The following DMXL1 variants were observed in gnomAD, a reference collection of about 807,000 sequenced individuals.
DMXL1 encodes Dmx like 1, also known as dmX-like protein 1.
DMXL1 carries 99 observed loss-of-function variants against 319.2 expected under a neutral mutation model. The observed-to-expected ratio is 0.31, with a 90% CI of 0.26 to 0.37. The LOEUF (loss-of-function observed/expected upper bound fraction) is 0.37, where lower values mean the gene tolerates loss of function less well. Among genes scored for constraint, DMXL1 ranks in the 10% least tolerant of loss-of-function variants. The pLI is 1.00. For synonymous variants in DMXL1, 1,385 were observed against 1,235.2 expected, an observed-to-expected ratio of 1.12 and a Z score of -2.54; for missense variants, 3,745 against 3,595.6, an observed-to-expected ratio of 1.04 and a Z score of -1.06.
At chr5:119,186,142 C>G (rs1471854270) in intron 28 of DMXL1, among the ~76,000 whole-genome samples, 1 of 152,178 alleles carries the variant, frequency 6.6e-6, no homozygotes, top group East Asian at 1.9e-4. Flanking sequence ...GTTAGAAGGT[C>G]CAGACTAATG....
At chr5:119,129,867 G>C (rs1247843830) in intron 10 of DMXL1, among the ~76,000 whole-genome samples, 1 of 152,190 alleles carries the variant, frequency 6.6e-6, no homozygotes, top group Non-Finnish European at 1.5e-5. Flanking sequence ...AGTTGGTATA[G>C]AGAGAGAGTT....
At position 119,170,289 on chromosome 5, in the gene DMXL1, C is replaced by G; in HGVS notation, c.5498C>G (p.Thr1833Arg). ...LLRRHFGSSD[T>R]FSTHMSLTGK... The stretch of plus-strand genomic sequence containing the variant: ...AGACGTCATTTTGGATCATCTGATA[C>G]ATTTTCCACACATATGAGCCTAACA... Residue 1833 changes from threonine to arginine, a missense_variant, in exon 24 of 44, where the codon ACA (threonine) becomes AGA (arginine). By Grantham distance (71) the Thr-to-Arg change is moderately conservative (BLOSUM62 -1). Coordinates refer to ENST00000539542, the MANE Select transcript of DMXL1 (RefSeq NM_001290321.3). 6.2e-7 allele frequency: 1 copy of G among 1,613,846 alleles called. No homozygotes were observed. Among genetic ancestry groups the G allele is most frequent in the Non-Finnish European group, 8.5e-7 (1 of 1,179,936 alleles).
chr5:119,229,542 A>G (rs889505010), intron 38 of DMXL1, among the ~76,000 whole-genome samples: 15 of 152,086 alleles, frequency 9.9e-5, no homozygotes, highest in African/African-American at 3.6e-4. Flanking sequence ...ATCCATGCAT[A>G]TTTTGTTCTG....
intron 37 of DMXL1, among the ~76,000 whole-genome samples, chr5:119,221,736 C>G (rs575176553): frequency 3.3e-5 from 5 of 151,288 alleles, no homozygotes; most frequent in Non-Finnish European, 7.4e-5. Context: ...CAATTAATAA[C>G]TATATCCATA....
rs74454483 is a variant in DMXL1 at position 119,096,177 on chromosome 5, ATT to A, written c.88-1787_88-1786del. Among the ~76,000 whole-genome samples, 159 of 142,026 alleles carry A rather than the reference ATT, an allele frequency of 1.1e-3. 3 individuals carry two copies. Among genetic ancestry groups the A allele is most frequent in the East Asian group, 2.8e-3 (13 of 4,694 alleles). The allele number at this position is 142,026 out of a possible 152,430, so 93.2% of individuals were successfully genotyped here. A position where few individuals can be genotyped will look rare whatever the true frequency, so the allele number is the denominator to read the frequency against. The stretch of plus-strand genomic sequence containing the variant: ...GGAATTAAGGTGTATATGAAGTATA[ATT>A]TTTTTTTTTTTTTTGAGATGGAGTT... On this transcript the variant is annotated intron_variant, in intron 1 of 43. Coordinates refer to ENST00000539542, the MANE Select transcript of DMXL1 (RefSeq NM_001290321.3).
chr5:119,227,768 TAAG>T (rs1212417501), intron 38 of DMXL1, among the ~76,000 whole-genome samples: 2 of 152,184 alleles, frequency 1.3e-5, no homozygotes, highest in African/African-American at 2.4e-5. Flanking sequence ...TGTCCTGCTA[TAAG>T]AAGGACAGGT....
intron 1 of DMXL1, among the ~76,000 whole-genome samples, chr5:119,082,044 C>T (rs895971789): frequency 2.0e-5 from 3 of 149,394 alleles, no homozygotes; most frequent in Non-Finnish European, 3.0e-5. Flanking sequence ...CACACACACA[C>T]ACACACACAC....
chr5:119,078,945 ACTGT>A (rs1230968735), intron 1 of DMXL1, among the ~76,000 whole-genome samples: 1 of 152,096 alleles, frequency 6.6e-6, no homozygotes, highest in African/African-American at 2.4e-5. Context: ...GTATCCTTTA[ACTGT>A]CTGGACCCTT....
Position 119,149,778 on chromosome 5 carries a change from A to G in DMXL1, c.3951A>G (p.Val1317=). The G allele has an allele frequency of 6.2e-7, 1 of 1,613,910 alleles. No individual in the cohort carries two copies. Among genetic ancestry groups the G allele is most frequent in the Non-Finnish European group, 8.5e-7 (1 of 1,179,900 alleles). Residue 1317 remains valine, a synonymous_variant, in exon 18 of 44, where the codon GTA becomes GTG. Coordinates refer to ENST00000539542, the MANE Select transcript of DMXL1 (RefSeq NM_001290321.3). The part of the protein sequence containing the change: ...EDSGLFEAAH[V]LSPTLPQYHP... ...CAGGTCTTTTTGAAGCAGCTCATGT[A>G]CTTTCCCCGACTCTACCTCAGTATC...
intron 4 of DMXL1, among the ~76,000 whole-genome samples, chr5:119,107,850 G>C (rs1758699030): frequency 6.6e-6 from 1 of 152,030 alleles, no homozygotes; most frequent in African/African-American, 2.4e-5. Flanking sequence ...TTGAGCTTCT[G>C]CTTAGTGCCT....
chr5:119,192,918 AAG>A (rs1456254697), intron 29 of DMXL1, among the ~76,000 whole-genome samples: 1 of 152,144 alleles, frequency 6.6e-6, no homozygotes, highest in Non-Finnish European at 1.5e-5. Context: ...CCAAAAACCT[AAG>A]AGTCATTCAT....
chr5:119,131,539 A>C (rs759259177), intron 10 of DMXL1, among the ~76,000 whole-genome samples: 6 of 152,194 alleles, frequency 3.9e-5, no homozygotes, highest in Non-Finnish European at 7.3e-5. Context: ...ATTACACTCA[A>C]ATAATGTATT....
chr5:119,172,090 T>C lies in DMXL1; in HGVS notation c.6681+121T>C, dbSNP rs1774688555. On this transcript the variant is annotated intron_variant, in intron 25 of 43. Coordinates refer to ENST00000539542, the MANE Select transcript of DMXL1 (RefSeq NM_001290321.3). Reference sequence around the variant, plus strand: ...AGACTAAGCATAGCAATTGTTACATTGCCAAGTTTATGTTGATTCCTATTA... The same window carrying C: ...AGACTAAGCATAGCAATTGTTACATCGCCAAGTTTATGTTGATTCCTATTA... 8.9e-6 allele frequency: 8 copies of C among 894,362 alleles called. No individual in the cohort carries two copies. In the East Asian group the frequency reaches 2.3e-4, roughly 26 times the overall value. The allele number at this position is 894,362 out of a possible 1,614,324, so 55.4% of individuals were successfully genotyped here.
chr5:119,241,534 CAAAAA>C (rs35739845), intron 42 of DMXL1, among the ~76,000 whole-genome samples: 1 of 57,566 alleles, frequency 1.7e-5, no homozygotes. Flanking sequence ...GACTCCGTCT[CAAAAA>C]AAAAAAAAAA....
Position 119,171,863 on chromosome 5 carries a change from C to T in DMXL1, c.6575C>T (p.Thr2192Ile). Reference sequence around the variant, plus strand: ...TTTGCTTGTACAGCCAATGCCAAAACAGTAGTTGCCAATCCATTATTGCAC... The same window carrying T: ...TTTGCTTGTACAGCCAATGCCAAAATAGTAGTTGCCAATCCATTATTGCAC... ...LLFACTANAK[T>I]VVANPLLHLS... The change falls in exon 25 of 44, where the codon ACA becomes ATA. Residue 2192 changes from threonine to isoleucine, a missense_variant. Thr to Ile is a moderately conservative substitution (Grantham distance 89, BLOSUM62 -1). Around this residue, in one of 4 missense-constraint regions of DMXL1, gnomAD observed 1,382 missense variants for 1,269.5 expected, o/e 1.09. Transcript: ENST00000539542. The T allele has an allele frequency of 1.2e-6, 2 of 1,613,898 alleles. No individual in the cohort carries two copies.
chr5:119,095,123 G>C (rs1755646488), intron 1 of DMXL1, among the ~76,000 whole-genome samples: 2 of 152,156 alleles, frequency 1.3e-5, no homozygotes, highest in Admixed American at 6.5e-5. Context: ...CCAAGGTTCT[G>C]GGATTACAGA....
chr5:119,084,757 C>T (rs570734227), intron 1 of DMXL1, among the ~76,000 whole-genome samples: 2 of 150,832 alleles, frequency 1.3e-5, no homozygotes, highest in African/African-American at 4.9e-5. Context: ...TCCGGCTACT[C>T]GGGAGGCGAG....
intron 1 of DMXL1, among the ~76,000 whole-genome samples, chr5:119,084,844 A>G (rs764900327): frequency 1.1e-3 from 162 of 151,524 alleles, no homozygotes; most frequent in Admixed American, 1.9e-3. Flanking sequence ...ACCCTGGGCA[A>G]CAAGAGTGAA....
At chr5:119,189,374 A>G (rs1283702695) in intron 28 of DMXL1, among the ~76,000 whole-genome samples, 1 of 152,200 alleles carries the variant, frequency 6.6e-6, no homozygotes, top group Non-Finnish European at 1.5e-5. Flanking sequence ...AAAAAAAAGC[A>G]AAGTAGAAGG....
Sources: gnomAD v4.1 joint callset for allele counts (sites outside exome capture counted in the v4.1 genomes callset) on GRCh38, gnomAD v4.1.1 for gene constraint, gnomAD v4.1.1 regional missense constraint, MANE v1.5 for transcripts, NCBI Gene and HGNC (gene_info 2026-07-23, HGNC 2026-07-21) for gene names.